The following PDK3 variants were observed in gnomAD, a reference collection of about 807,000 sequenced individuals.
PDK3 encodes pyruvate dehydrogenase kinase, isozyme 3.
Under a neutral mutation model 32.0 loss-of-function variants are expected in PDK3, and 12 were observed. The observed-to-expected ratio is 0.37, with a 90% CI of 0.24 to 0.61. The LOEUF (loss-of-function observed/expected upper bound fraction) is 0.61, where lower values mean the gene tolerates loss of function less well. Ranked by LOEUF, PDK3 falls within the 20% of genes least tolerant of loss-of-function variation. The pLI is 0.65. For synonymous variants in PDK3, 122 were observed against 116.3 expected (o/e 1.05, Z -0.31); for missense variants, 188 against 316.9 (o/e 0.59, Z 3.09).
In PDK3 at chrX:24,534,009, C is replaced by T. The variant is rs1279053095; in HGVS notation, c.1158C>T (p.Ala386=). Reference sequence around the variant, plus strand: ...GCCATTACAAGACCACGCCTGAAGCCGATGATTGGAGCAATCCCAGCAGTG... The same window carrying T: ...GCCATTACAAGACCACGCCTGAAGCTGATGATTGGAGCAATCCCAGCAGTG... ...AWRHYKTTPE[A]DDWSNPSSEP... Residue 386 remains alanine (A), a synonymous_variant, in exon 11 of 11, where the codon GCC becomes GCT. Coordinates refer to ENST00000379162, the MANE Select transcript of PDK3 (RefSeq NM_005391.5). 3 of 1,208,236 alleles carry T rather than the reference C, an allele frequency of 2.5e-6. No homozygotes were observed. Among genetic ancestry groups the T allele is most frequent in the East Asian group, 3.0e-5 (1 of 33,758 alleles).
At chrX:24,501,876 G>A (rs777006441) in intron 3 of PDK3, among the ~76,000 whole-genome samples, 48 of 112,301 alleles carry the variant, frequency 4.3e-4, no homozygotes, top group South Asian at 1.8e-3. Flanking sequence ...ATGCTGATAC[G>A]TGGAGAATAA....
chrX:24,545,528 C>T (rs752600190), exon 12 of PDK3: 3 of 111,598 alleles, frequency 2.7e-5, no homozygotes, highest in Admixed American at 1.9e-4. Context: ...AGCAAGCTTT[C>T]GTCACCTTCA....
downstream of PDK3, among the ~76,000 whole-genome samples, chrX:24,535,922 A>G (rs1922766286): frequency 9.5e-6 from 1 of 104,732 alleles, no homozygotes; most frequent in Non-Finnish European, 2.0e-5. Flanking sequence ...AAAAAGAAAG[A>G]AAAGAAGGAA....
chrX:24,505,967 T>C (rs1393567644), intron 5 of PDK3, among the ~76,000 whole-genome samples: 2 of 111,846 alleles, frequency 1.8e-5, no homozygotes, highest in African/African-American at 6.5e-5. Context: ...ATCCCCAAAT[T>C]GTCCCTTTCT....
At chrX:24,499,044 G>GTTT in intron 3 of PDK3, 144 bp downstream of exon 3, 2 of 294,120 alleles carry the variant, frequency 6.8e-6, no homozygotes, top group Non-Finnish European at 1.2e-5. Flanking sequence ...TCAACATTGA[G>GTTT]TTTTTTTTTT....
chrX:24,531,083 G>GTGTGTGT (rs56215753), intron 9 of PDK3, among the ~76,000 whole-genome samples: 7 of 109,378 alleles, frequency 6.4e-5, no homozygotes, highest in African/African-American at 2.3e-4. Context: ...GTGTGTGTGT[G>GTGTGTGT]GAGATGGAGT....
chrX:24,469,464 C>T (rs1348193720), intron 1 of PDK3, among the ~76,000 whole-genome samples: 5 of 108,057 alleles, frequency 4.6e-5, no homozygotes, highest in Non-Finnish European at 1.9e-5. Flanking sequence ...GTAAAGATGT[C>T]TTTATTTTAG....
At chrX:24,508,760 T>C (rs924304896) in intron 5 of PDK3, among the ~76,000 whole-genome samples, 3 of 111,542 alleles carry the variant, frequency 2.7e-5, no homozygotes, top group Non-Finnish European at 3.8e-5. Context: ...TCGTCCAGGC[T>C]GGAGTGCAAT....
intron 1 of PDK3, among the ~76,000 whole-genome samples, chrX:24,475,543 C>T (rs1011506568): frequency 9.1e-5 from 10 of 110,158 alleles, no homozygotes; most frequent in African/African-American, 3.3e-4. Context: ...CCTGTGGTCC[C>T]GGCTACATGG....
chrX:24,525,169 A>C (rs1041678914), intron 6 of PDK3, among the ~76,000 whole-genome samples: 6 of 111,135 alleles, frequency 5.4e-5, no homozygotes, highest in Non-Finnish European at 1.1e-4. Context: ...AAAATAAATA[A>C]ATAAAAATAA....
downstream of PDK3, among the ~76,000 whole-genome samples, chrX:24,536,633 T>C (rs1212957961): frequency 8.9e-6 from 1 of 112,200 alleles, no homozygotes; most frequent in Non-Finnish European, 1.9e-5. Flanking sequence ...GTTACTTTGA[T>C]ATGTTTTAAT....
chrX:24,492,592 A>T (rs984784128), intron 1 of PDK3, among the ~76,000 whole-genome samples: 1 of 111,196 alleles, frequency 9.0e-6, no homozygotes, highest in Admixed American at 9.6e-5. Flanking sequence ...GTCTCAAAAC[A>T]AAAAAGCCCT....
chrX:24,502,628 G>A (rs548585916), intron 3 of PDK3, among the ~76,000 whole-genome samples: 17 of 111,715 alleles, frequency 1.5e-4, no homozygotes, highest in South Asian at 3.7e-4. Flanking sequence ...GGCGGATCAC[G>A]AGGTCAGGAG....
chrX:24,480,092 G>A (rs1921214741), intron 1 of PDK3, among the ~76,000 whole-genome samples: 1 of 111,565 alleles, frequency 9.0e-6, no homozygotes, highest in African/African-American at 3.3e-5. Context: ...AAGGACCATC[G>A]AGTGCATTGT....
At chrX:24,541,880 TTACTC>T in exon 12 of PDK3, among the ~76,000 whole-genome samples, 1 of 112,552 alleles carries the variant, frequency 8.9e-6, no homozygotes, top group Admixed American at 9.4e-5. Flanking sequence ...GCTCTTTCAT[TTACTC>T]TATTTTATTT....
rs1165981822 is a variant in PDK3 at position 24,505,265 on chromosome X, G to A, written c.562G>A (p.Asp188Asn). 18 of 1,202,287 alleles carry A rather than the reference G, an allele frequency of 1.5e-5. No homozygotes were observed. The highest frequency in any genetic ancestry group is 3.5e-5 in the African/African-American group (2 of 56,877). The change falls in exon 5 of 11, where the codon GAT becomes AAT. Residue 188 changes from aspartate (D) to asparagine (N), a missense_variant. Coordinates refer to ENST00000379162, the MANE Select transcript of PDK3 (RefSeq NM_005391.5). ...TCATCCTAAACACATAGGAAGTATC[G>A]ATCCCACCTGTAACGTGGCGGATGT... ...PVHPKHIGSI[D>N]PTCNVADVVK...
exon 12 of PDK3, among the ~76,000 whole-genome samples, chrX:24,542,391 G>T (rs16983119): frequency 0.01 from 1,150 of 112,630 alleles, 10 homozygotes; most frequent in African/African-American, 0.034. Flanking sequence ...AGGTATATCG[G>T]TTTTTTGTAT....
chrX:24,533,139 CT>C (rs35816110), intron 10 of PDK3, among the ~76,000 whole-genome samples: 4,069 of 92,923 alleles, frequency 0.044, 125 homozygotes, highest in South Asian at 0.22. Flanking sequence ...CTTTCTTTTT[CT>C]TTTTTTTTTT....
chrX:24,472,197 G>A lies in PDK3; in HGVS notation c.106+6636G>A, dbSNP rs1280141243. The stretch of plus-strand genomic sequence containing the variant: ...TTTGGTTCTAGTGGTTATCTTTATA[G>A]TTATTACTTTATTTCTATAGACCTT... On this transcript the variant is annotated intron_variant, in intron 1 of 10. Coordinates refer to ENST00000379162, the MANE Select transcript of PDK3 (RefSeq NM_005391.5). Among the ~76,000 whole-genome samples the A allele has an allele frequency of 4.5e-5, 5 of 112,032 alleles. No individual in the cohort carries two copies. The East Asian group carries it at 1.1e-3, about 25-fold the overall frequency.
Sources: gnomAD v4.1 joint callset for allele counts (sites outside exome capture counted in the v4.1 genomes callset) on GRCh38, gnomAD v4.1.1 for gene constraint, MANE v1.5 for transcripts, NCBI Gene and HGNC (gene_info 2026-07-23, HGNC 2026-07-21) for gene names.